Variants in STYXL1 observed in about 807,000 individuals in gnomAD.
STYXL1 encodes serine/threonine/tyrosine interacting like 1.
A neutral mutation model predicts 36.4 loss-of-function variants in STYXL1; 32 were observed. The ratio of observed to expected loss-of-function variants is 0.88; its 90% CI spans 0.66 to 1.18. STYXL1 has a LOEUF of 1.18. STYXL1 is among the 50% of genes most tolerant of loss of function. The probability of loss-of-function intolerance (pLI) is 0.00; values close to 1 mark genes in which losing one functional copy is unlikely to be tolerated. For missense variants in STYXL1, 354 were observed against 394.1 expected (o/e 0.90, Z 0.86); for synonymous variants, 133 against 144.1 (o/e 0.92, Z 0.55).
At chr7:76,032,002 C>T (rs2116338191) in intron 1 of STYXL1, among the ~76,000 whole-genome samples, 1 of 152,230 alleles carries the variant, frequency 6.6e-6, no homozygotes, top group East Asian at 1.9e-4. Flanking sequence ...TGCATAGTGA[C>T]TCATGCCTGC....
At chr7:76,012,847 T>C (rs188630252) in intron 5 of STYXL1, among the ~76,000 whole-genome samples, 1 of 152,292 alleles carries the variant, frequency 6.6e-6, no homozygotes, top group East Asian at 1.9e-4. Flanking sequence ...TTCCCACTTT[T>C]GTGTATTTTT....
chr7:76,003,812 C>A lies in STYXL1; in HGVS notation c.643G>T (p.Asp215Tyr). Residue 215 changes from aspartate (D) to tyrosine (Y), a missense_variant, in exon 7 of 9, where the codon GAT becomes TAT. Physicochemically the swap from Asp to Tyr is radical, Grantham distance 160. Transcript: ENST00000359697. Reference sequence around the variant, plus strand: ...GGAAGAATCTGGGCTTCCGGGGAATCTTCTATCCGGATGTGCAGAAGCTTG... The same window carrying A: ...GGAAGAATCTGGGCTTCCGGGGAATATTCTATCCGGATGTGCAGAAGCTTG... ...ADKLLHIRIE[D>Y]SPEAQILPFL... The A allele has an allele frequency of 6.2e-7, 1 of 1,614,218 alleles. No individual in the cohort carries two copies. The highest frequency in any genetic ancestry group is 8.5e-7 in the Non-Finnish European group (1 of 1,180,046).
At chr7:76,021,500 G>A (rs1563495125) in intron 4 of STYXL1, among the ~76,000 whole-genome samples, 1 of 152,108 alleles carries the variant, frequency 6.6e-6, no homozygotes, top group Non-Finnish European at 1.5e-5. Context: ...ACATCAGCTG[G>A]TCTGACGGGC....
At chr7:76,002,144 C>T (rs1171210006) in intron 7 of STYXL1, among the ~76,000 whole-genome samples, 9 of 152,104 alleles carry the variant, frequency 5.9e-5, no homozygotes, top group Non-Finnish European at 7.4e-5. Flanking sequence ...CAATGTTGCC[C>T]GGGCTGGAGG....
intron 1 of STYXL1, 62 bp from the exon 2 acceptor site, chr7:76,030,589 G>T: frequency 1.0e-6 from 1 of 967,814 alleles, no homozygotes; most frequent in Non-Finnish European, 1.7e-6. Flanking sequence ...TGACCACAAA[G>T]TAATATAATG....
intron 4 of STYXL1, among the ~76,000 whole-genome samples, chr7:76,016,470 C>CAT (rs1477362253): frequency 3.3e-5 from 5 of 151,422 alleles, no homozygotes; most frequent in African/African-American, 4.9e-5. Context: ...CATATATACG[C>CAT]ATATATATAC....
chr7:76,028,725 G>T, intron 2 of STYXL1, 22 bp from the exon 3 acceptor site: 2 of 1,612,710 alleles, frequency 1.2e-6, no homozygotes, highest in Non-Finnish European at 1.7e-6. Context: ...ACGTATTTAA[G>T]AACTGAATTT....
chr7:76,000,088 G>C (rs1056223718), intron 8 of STYXL1, among the ~76,000 whole-genome samples: 1 of 151,772 alleles, frequency 6.6e-6, no homozygotes, highest in Non-Finnish European at 1.5e-5. Context: ...CTACGCGGGA[G>C]GCAGAGACAG....
At chr7:75,999,551 GTA>G (rs1554565731) in intron 8 of STYXL1, among the ~76,000 whole-genome samples, 3 of 80,060 alleles carry the variant, frequency 3.7e-5, no homozygotes, top group Admixed American at 2.4e-4. Flanking sequence ...GTGTGTGTGT[GTA>G]TATTTTTTTT....
intron 8 of STYXL1, among the ~76,000 whole-genome samples, chr7:75,997,953 A>G (rs546879651): frequency 4.5e-4 from 68 of 152,356 alleles, no homozygotes; most frequent in African/African-American, 1.6e-3. Flanking sequence ...AGGTACAAAC[A>G]AATGAAAAGA....
chr7:76,014,302 G>A (rs1308577730), intron 4 of STYXL1, among the ~76,000 whole-genome samples: 1 of 151,892 alleles, frequency 6.6e-6, no homozygotes, highest in Non-Finnish European at 1.5e-5. Flanking sequence ...GGAAGCTGAA[G>A]CAAGTATAGA....
intron 1 of STYXL1, among the ~76,000 whole-genome samples, chr7:76,042,588 A>G (rs961737844): frequency 6.6e-6 from 1 of 150,848 alleles, no homozygotes; most frequent in Non-Finnish European, 1.5e-5. Flanking sequence ...TTGTATTTTT[A>G]GTAGAGACGG....
chr7:76,008,755 C>T (rs1792153808), intron 5 of STYXL1, among the ~76,000 whole-genome samples: 1 of 152,164 alleles, frequency 6.6e-6, no homozygotes, highest in Admixed American at 6.6e-5. Flanking sequence ...CTTGTAATCC[C>T]AGCACTTTGG....
Position 76,047,795 on chromosome 7 carries a change from TC to T in STYXL1, c.-139del. On this transcript the variant is annotated 5_prime_UTR_variant, in exon 1 of 9. Transcript: ENST00000359697. ...TATGGCCAGGCTCCCTGTCGGAGCC[TC>T]TGCCTGGGGCCCCACCTGGAAAAAT... The T allele has an allele frequency of 1.5e-6, 1 of 661,998 alleles. No homozygotes were observed. Among genetic ancestry groups the T allele is most frequent in the Non-Finnish European group, 2.1e-6 (1 of 475,116 alleles). 41.0% of individuals were successfully genotyped at this position (661,998 alleles called of 1,614,324 possible).
chr7:75,998,198 A>G (rs968899736), intron 8 of STYXL1, among the ~76,000 whole-genome samples: 1 of 152,226 alleles, frequency 6.6e-6, no homozygotes, highest in East Asian at 1.9e-4. Context: ...TAACAAAACT[A>G]CAGTAATCAA....
rs782261059 is a variant in STYXL1 at position 76,003,804 on chromosome 7, C to T, written c.651G>A (p.Pro217=). The T allele has an allele frequency of 1.9e-5, 30 of 1,614,074 alleles. No homozygotes were observed. Among genetic ancestry groups the T allele is most frequent in the South Asian group, 1.2e-4 (11 of 91,092 alleles). ...KLLHIRIEDS[P]EAQILPFLRH... ...GTAAGAAGGGAAGAATCTGGGCTTC[C>T]GGGGAATCTTCTATCCGGATGTGCA... Residue 217 remains proline, a synonymous_variant, in exon 7 of 9, where the codon CCG becomes CCA. Transcript: ENST00000359697.
At chr7:76,042,390 C>CTTTTGTTTTTTTTTTTTT (rs1796554249) in intron 1 of STYXL1, among the ~76,000 whole-genome samples, 1 of 41,816 alleles carries the variant, frequency 2.4e-5, no homozygotes, top group Non-Finnish European at 5.3e-5. Context: ...CCCTTATGTG[C>CTTTTGTTTTTTTTTTTTT]TTTTTTTTTT....
chr7:76,044,029 T>C (rs1554582809), intron 1 of STYXL1: 3 of 152,236 alleles, frequency 2.0e-5, no homozygotes, highest in African/African-American at 7.2e-5. Context: ...TTAATATAAG[T>C]TTCACTTGCA....
At position 76,047,953 on chromosome 7, in the gene STYXL1, G is replaced by A. The variant is rs534282023; in HGVS notation, c.-296C>T. The A allele has an allele frequency of 3.4e-6, 5 of 1,454,338 alleles. No individual in the cohort carries two copies. Among genetic ancestry groups the A allele is most frequent in the East Asian group, 5.1e-5 (2 of 39,352 alleles). The allele number at this position is 1,454,338 out of a possible 1,614,324, so 90.1% of individuals were successfully genotyped here. The stretch of plus-strand genomic sequence containing the variant: ...CTACGCTAGAACCCAGCCAAACACC[G>A]GGGTTGCCAGGATGGTCCCACAGCT... On this transcript the variant is annotated 5_prime_UTR_variant, in exon 1 of 9. Coordinates refer to ENST00000359697, the MANE Select transcript of STYXL1 (RefSeq NM_001317785.2).
Sources: gnomAD v4.1 joint callset for allele counts (sites outside exome capture counted in the v4.1 genomes callset) on GRCh38, gnomAD v4.1.1 for gene constraint, MANE v1.5 for transcripts, NCBI Gene and HGNC (gene_info 2026-07-23, HGNC 2026-07-21) for gene names.